BAZ2B: variants seen among roughly 807,000 people sequenced by gnomAD.
BAZ2B encodes the protein bromodomain adjacent to zinc finger domain protein 2B.
In BAZ2B, 91 loss-of-function variants were observed where a neutral mutation model predicts 246.0. The observed-to-expected ratio is 0.37, with a 90% confidence interval of 0.31 to 0.44. The LOEUF is 0.44. Ranked by LOEUF, BAZ2B falls within the 20% of genes least tolerant of loss-of-function variation. BAZ2B has a pLI of 1.00. For synonymous variants in BAZ2B, 855 were observed against 860.0 expected, an observed-to-expected ratio of 0.99 and a Z score of 0.10; for missense variants, 2,332 against 2,533.7, an observed-to-expected ratio of 0.92 and a Z score of 1.71.
the BAZ2B span, among the ~76,000 whole-genome samples, chr2:159,681,360 G>A: frequency 6.6e-6 from 1 of 150,476 alleles, no homozygotes; most frequent in African/African-American, 2.4e-5. Context: ...TTCATCAAAA[G>A]AGGATAATAA....
chr2:159,659,565 C>G, the BAZ2B span, among the ~76,000 whole-genome samples: 2 of 152,278 alleles, frequency 1.3e-5, no homozygotes, highest in African/African-American at 4.8e-5. Context: ...GGCAAAGACA[C>G]AAATTTTTAT....
rs1217678526 is a variant in BAZ2B at position 159,451,189 on chromosome 2, CA to C, written c.334+2423del. On this transcript the variant is annotated intron_variant, in intron 4 of 36. Coordinates refer to ENST00000392783, the MANE Select transcript of BAZ2B (RefSeq NM_013450.4). ...GGTAATTTAATATGAAAATTAACTA[CA>C]AAAAAGTACAAATATTTTTTAAATT... Among the ~76,000 whole-genome samples, 6 of 151,822 alleles carry C rather than the reference CA, an allele frequency of 4.0e-5. No individual in the cohort carries two copies. In the East Asian group the frequency reaches 7.7e-4, roughly 20 times the overall value.
chr2:159,627,047 C>T, the BAZ2B span, among the ~76,000 whole-genome samples: 1 of 152,116 alleles, frequency 6.6e-6, no homozygotes, highest in Non-Finnish European at 1.5e-5. Context: ...CACCTCTACG[C>T]AAATAAACTA....
chr2:159,524,726 A>C (rs2084539281), intron 2 of BAZ2B, among the ~76,000 whole-genome samples: 1 of 152,232 alleles, frequency 6.6e-6, no homozygotes, highest in Non-Finnish European at 1.5e-5. Flanking sequence ...TTAAAATTAC[A>C]TAATTTTTTT....
intron 9 of BAZ2B, among the ~76,000 whole-genome samples, chr2:159,431,795 C>G (rs2150175233): frequency 6.6e-6 from 1 of 151,954 alleles, no homozygotes; most frequent in East Asian, 1.9e-4. Context: ...AAATCTATTA[C>G]TAGATTAAAC....
the BAZ2B span, among the ~76,000 whole-genome samples, chr2:159,645,639 G>A: frequency 2.2e-4 from 34 of 152,100 alleles, no homozygotes; most frequent in East Asian, 5.6e-3. Context: ...CCTAATTATC[G>A]GGAAATCTGC....
At chr2:159,360,701 T>C (rs1483721350) in intron 27 of BAZ2B, among the ~76,000 whole-genome samples, 2 of 152,276 alleles carry the variant, frequency 1.3e-5, no homozygotes, top group South Asian at 2.1e-4. Flanking sequence ...CTTCAAACTA[T>C]GCTACAAGGC....
chr2:159,708,895 G>T, the BAZ2B span, among the ~76,000 whole-genome samples: 4,851 of 152,138 alleles, frequency 0.032, 248 homozygotes, highest in African/African-American at 0.11. Flanking sequence ...TTGGGGAATT[G>T]AAAGTTTTTG....
chr2:159,531,996 C>A (rs1338077478), intron 2 of BAZ2B, among the ~76,000 whole-genome samples: 1 of 152,084 alleles, frequency 6.6e-6, no homozygotes, highest in Non-Finnish European at 1.5e-5. Context: ...AACTTTAAAA[C>A]CTAAAATGAC....
the BAZ2B span, among the ~76,000 whole-genome samples, chr2:159,686,841 G>A: frequency 2.0e-4 from 30 of 152,202 alleles, no homozygotes; most frequent in South Asian, 5.4e-3. Context: ...AGGAGATCGA[G>A]ACCACCCTGG....
intron 1 of BAZ2B, among the ~76,000 whole-genome samples, chr2:159,569,792 T>C (rs1362169497): frequency 1.3e-5 from 2 of 151,758 alleles, no homozygotes; most frequent in Non-Finnish European, 2.9e-5. Context: ...CCCAGTGCAC[T>C]CCAGCCTGGG....
At chr2:159,359,131 A>T (rs149463569) in intron 27 of BAZ2B, among the ~76,000 whole-genome samples, 1,974 of 152,314 alleles carry the variant, frequency 0.013, 49 homozygotes, top group East Asian at 0.069. Context: ...GGAGACAGAG[A>T]CACAAAAGGC....
intron 24 of BAZ2B, 110 bp from the exon 25 acceptor site, chr2:159,382,912 G>C: frequency 1.4e-6 from 2 of 1,395,640 alleles, no homozygotes; most frequent in Non-Finnish European, 1.9e-6. Context: ...TTTCTTTTGT[G>C]TTAAGCGATA....
At chr2:159,633,551 C>T in the BAZ2B span, among the ~76,000 whole-genome samples, 1 of 152,082 alleles carries the variant, frequency 6.6e-6, no homozygotes, top group Non-Finnish European at 1.5e-5. Context: ...ATTCATGGTA[C>T]TACCACATGC....
intron 31 of BAZ2B, among the ~76,000 whole-genome samples, chr2:159,341,582 T>C (rs1019402896): frequency 3.3e-5 from 5 of 152,168 alleles, no homozygotes; most frequent in Admixed American, 2.0e-4. Context: ...ATTATTTTCA[T>C]CAGCACATGG....
At chr2:159,547,117 C>G (rs770093255) in intron 2 of BAZ2B, among the ~76,000 whole-genome samples, 2 of 152,050 alleles carry the variant, frequency 1.3e-5, no homozygotes, top group Non-Finnish European at 2.9e-5. Context: ...TGAGGGGTTT[C>G]TCTTGAGGAG....
chr2:159,352,684 C>T (rs2058688895), intron 27 of BAZ2B, among the ~76,000 whole-genome samples: 2 of 152,160 alleles, frequency 1.3e-5, no homozygotes, highest in Admixed American at 1.3e-4. Context: ...CGAGGTTTCA[C>T]TATGTTGCCA....
At chr2:159,394,762 C>T (rs2063790367) in intron 20 of BAZ2B, among the ~76,000 whole-genome samples, 1 of 151,994 alleles carries the variant, frequency 6.6e-6, no homozygotes, top group Admixed American at 6.6e-5. Context: ...TCTCTTCAGC[C>T]CTACAAAACA....
chr2:159,462,267 T>C (rs2076500099), intron 3 of BAZ2B: 1 of 612,288 alleles, frequency 1.6e-6, no homozygotes. Flanking sequence ...TCCATGAGGT[T>C]AGAAAACTGG....
Sources: gnomAD v4.1 joint callset for allele counts (sites outside exome capture counted in the v4.1 genomes callset) on GRCh38, gnomAD v4.1.1 for gene constraint, MANE v1.5 for transcripts, NCBI Gene and HGNC (gene_info 2026-07-23, HGNC 2026-07-21) for gene names.